The following SEPTIN7 variants were observed in gnomAD, a reference collection of about 807,000 sequenced individuals.
The protein encoded by SEPTIN7 is septin 7, also known as septin-7.
In SEPTIN7, 10 loss-of-function variants were observed where a neutral mutation model predicts 63.3. The ratio of observed to expected loss-of-function variants is 0.16; its 90% CI spans 0.10 to 0.27. SEPTIN7 has a LOEUF of 0.27. Among genes scored for constraint, SEPTIN7 ranks in the 10% least tolerant of loss-of-function variants. The pLI is 1.00. For missense variants in SEPTIN7, 310 were observed against 521.0 expected (o/e 0.59, Z 3.94); for synonymous variants, 131 against 165.3 (o/e 0.79, Z 1.59).
At chr7:35,820,513 C>T (rs1184459051) in intron 1 of SEPTIN7, among the ~76,000 whole-genome samples, 7 of 152,064 alleles carry the variant, frequency 4.6e-5, no homozygotes, top group Non-Finnish European at 7.4e-5. Context: ...TGCAATCCTT[C>T]GTTGAGCTTC....
At chr7:35,803,729 T>A in intron 1 of SEPTIN7, among the ~76,000 whole-genome samples, 1 of 152,334 alleles carries the variant, frequency 6.6e-6, no homozygotes, top group East Asian at 1.9e-4. Context: ...TTTGTATACT[T>A]CTTTTTTTGT....
chr7:35,885,706 A>G (rs1227358006), intron 9 of SEPTIN7, 122 bp from the exon 10 acceptor site: 2 of 734,060 alleles, frequency 2.7e-6, no homozygotes, highest in Non-Finnish European at 4.8e-6. Context: ...TAAATCTCAA[A>G]AAAATTGATC....
chr7:35,873,960 A>G, intron 6 of SEPTIN7, 185 bp downstream of exon 6: 1 of 508,188 alleles, frequency 2.0e-6, no homozygotes, highest in Non-Finnish European at 3.4e-6. Flanking sequence ...GCTAACAGTG[A>G]TTTTACTCCT....
At chr7:35,879,771 C>T in intron 6 of SEPTIN7, 52 bp from the exon 7 acceptor site, 1 of 990,914 alleles carries the variant, frequency 1.0e-6, no homozygotes, top group Non-Finnish European at 1.6e-6. Context: ...TGTGAAGAAT[C>T]TTGTTCTCCC....
chr7:35,850,643 C>G (rs1784912827), intron 3 of SEPTIN7, among the ~76,000 whole-genome samples: 1 of 152,124 alleles, frequency 6.6e-6, no homozygotes, highest in Non-Finnish European at 1.5e-5. Context: ...GAAATGTGAC[C>G]TCCTTTCCAG....
intron 7 of SEPTIN7, 61 bp from the exon 8 acceptor site, chr7:35,882,423 C>A: frequency 8.1e-7 from 1 of 1,240,068 alleles, no homozygotes. Context: ...ATGTAATGAA[C>A]ATAAGACTAA....
At chr7:35,858,984 C>T (rs1785360783) in intron 3 of SEPTIN7, among the ~76,000 whole-genome samples, 1 of 151,924 alleles carries the variant, frequency 6.6e-6, no homozygotes, top group African/African-American at 2.4e-5. Flanking sequence ...CCTGCCGTTT[C>T]TATTCTTAAA....
intron 4 of SEPTIN7, among the ~76,000 whole-genome samples, chr7:35,869,016 A>G (rs766792520): frequency 6.6e-6 from 1 of 152,162 alleles, no homozygotes; most frequent in African/African-American, 2.4e-5. Flanking sequence ...CATAAGAGGA[A>G]TATTAGCAGG....
intron 5 of SEPTIN7, among the ~76,000 whole-genome samples, chr7:35,873,367 A>G (rs1473536113): frequency 6.6e-6 from 1 of 152,078 alleles, no homozygotes; most frequent in African/African-American, 2.4e-5. Context: ...CATATTATGA[A>G]GTGTGTTATT....
At chr7:35,858,191 C>T (rs1385185395) in intron 3 of SEPTIN7, among the ~76,000 whole-genome samples, 15 of 152,100 alleles carry the variant, frequency 9.9e-5, no homozygotes, top group Admixed American at 9.2e-4. Context: ...GTGATCCCTC[C>T]GCCTCGGCCT....
rs185785942 is a variant in SEPTIN7 at position 35,872,605 on chromosome 7, C to G, written c.277-61C>G. On this transcript the variant is annotated intron_variant, in intron 4 of 13. Transcript: ENST00000350320. The stretch of plus-strand genomic sequence containing the variant: ...AAACTCGAACGTCCCTACCATCACC[C>G]CTTGTAGGAAATCACTGATGTAATG... The G allele has an allele frequency of 4.7e-6, 6 of 1,273,346 alleles. No individual in the cohort carries two copies. In the East Asian group the frequency reaches 1.2e-4, roughly 25 times the overall value. The allele number at this position is 1,273,346 out of a possible 1,614,324, so 78.9% of individuals were successfully genotyped here.
At chr7:35,857,390 A>C (rs1785264021) in intron 3 of SEPTIN7, among the ~76,000 whole-genome samples, 1 of 151,062 alleles carries the variant, frequency 6.6e-6, no homozygotes, top group African/African-American at 2.4e-5. Context: ...AATTGGTCTT[A>C]AAAAAAAAGG....
At chr7:35,816,306 A>G (rs1789059532) in intron 1 of SEPTIN7, among the ~76,000 whole-genome samples, 1 of 152,166 alleles carries the variant, frequency 6.6e-6, no homozygotes. Flanking sequence ...TATCTTGGAC[A>G]TTTTATATAA....
chr7:35,910,217 G>T (rs1323612636), downstream of SEPTIN7, among the ~76,000 whole-genome samples: 6 of 152,208 alleles, frequency 3.9e-5, no homozygotes, highest in Non-Finnish European at 2.9e-5. Flanking sequence ...TATTGCTAAT[G>T]CAGCTTAGTC....
At chr7:35,801,625 G>C (rs1787983043) in intron 1 of SEPTIN7, among the ~76,000 whole-genome samples, 1 of 152,142 alleles carries the variant, frequency 6.6e-6, no homozygotes, top group South Asian at 2.1e-4. Context: ...CCTTTCCTCA[G>C]TCTCCTCCCG....
chr7:35,834,295 TG>T (rs1783976521), intron 3 of SEPTIN7, among the ~76,000 whole-genome samples: 1 of 152,052 alleles, frequency 6.6e-6, no homozygotes, highest in Non-Finnish European at 1.5e-5. Context: ...TTAGAATTTT[TG>T]TTTAAAGAAT....
Position 35,832,611 on chromosome 7 carries a change from C to T in SEPTIN7, c.67-187C>T, listed in dbSNP as rs1783887367. Reference sequence around the variant, plus strand: ...TATAATTAACCATTATATTGTCAGTCAACTCATGCTCAAATAATTTTGTCC... The same window carrying T: ...TATAATTAACCATTATATTGTCAGTTAACTCATGCTCAAATAATTTTGTCC... On this transcript the variant is annotated intron_variant, in intron 2 of 13. Transcript: ENST00000350320. 7 of 517,066 alleles carry T rather than the reference C, an allele frequency of 1.4e-5. No homozygotes were observed. In the South Asian group the frequency reaches 1.4e-4, roughly 10 times the overall value. The allele number at this position is 517,066 out of a possible 1,614,324, so 32.0% of individuals were successfully genotyped here.
intron 3 of SEPTIN7, among the ~76,000 whole-genome samples, chr7:35,844,250 T>C (rs1784545497): frequency 6.6e-6 from 1 of 152,356 alleles, no homozygotes; most frequent in South Asian, 2.1e-4. Flanking sequence ...TAAAGTGCCA[T>C]GTAGTCAGGA....
chr7:35,900,622 TA>T (rs1290897988), intron 12 of SEPTIN7: 1 of 152,198 alleles, frequency 6.6e-6, no homozygotes, highest in Non-Finnish European at 1.5e-5. Flanking sequence ...TCTACTACAT[TA>T]TCTCCACACT....
Sources: allele counts gnomAD v4.1 joint callset (sites outside exome capture counted in the v4.1 genomes callset), GRCh38; gene constraint gnomAD v4.1.1; transcripts MANE v1.5; gene names NCBI Gene and HGNC (gene_info 2026-07-23, HGNC 2026-07-21).